SPATA13: variants seen among roughly 807,000 people sequenced by gnomAD.
SPATA13 encodes the protein spermatogenesis associated 13.
SPATA13 carries 50 observed loss-of-function variants against 104.0 expected under a neutral mutation model. The observed-to-expected ratio is 0.48, with a 90% CI of 0.38 to 0.61. The LOEUF (loss-of-function observed/expected upper bound fraction) is 0.61, where lower values mean the gene tolerates loss of function less well. SPATA13 is among the 20% of genes least tolerant of loss of function. The probability of loss-of-function intolerance (pLI) is 0.00; values close to 1 mark genes in which losing one functional copy is unlikely to be tolerated. For missense variants in SPATA13, 1,524 were observed against 1,690.6 expected (o/e 0.90, Z 1.73); for synonymous variants, 606 against 667.5 (o/e 0.91, Z 1.42).
At chr13:24,163,417 T>C (rs911176125) in intron 1 of SPATA13, among the ~76,000 whole-genome samples, 4 of 152,032 alleles carry the variant, frequency 2.6e-5, no homozygotes, top group Non-Finnish European at 4.4e-5. Context: ...AAAAATTAAG[T>C]TAAATTAAAA....
intron 3 of SPATA13, among the ~76,000 whole-genome samples, chr13:24,115,694 C>T (rs137973523): frequency 1.8e-4 from 27 of 152,308 alleles, no homozygotes; most frequent in Admixed American, 1.6e-3. Flanking sequence ...GTCAGAGGGT[C>T]GGGAACACGG....
chr13:24,227,991 A>G (rs954825302), intron 2 of SPATA13, among the ~76,000 whole-genome samples: 8 of 151,194 alleles, frequency 5.3e-5, no homozygotes, highest in East Asian at 3.9e-4. Context: ...TGCAACCTCT[A>G]TCTCCCGGGT....
intron 3 of SPATA13, among the ~76,000 whole-genome samples, chr13:24,024,677 G>GTTAATAT (rs1208164136): frequency 9.6e-6 from 1 of 103,890 alleles, no homozygotes; most frequent in East Asian, 2.3e-4. Context: ...GTTAATATTT[G>GTTAATAT]ATGACATAAA....
intron 3 of SPATA13, among the ~76,000 whole-genome samples, chr13:24,075,634 G>T (rs1370901632): frequency 6.6e-6 from 1 of 152,270 alleles, no homozygotes; most frequent in East Asian, 1.9e-4. Context: ...TGACAACGTT[G>T]CTTATCCCGC....
intron 3 of SPATA13, among the ~76,000 whole-genome samples, chr13:24,128,139 A>T (rs558831547): frequency 6.6e-6 from 1 of 152,292 alleles, no homozygotes; most frequent in South Asian, 2.1e-4. Flanking sequence ...CTGGGGCTTT[A>T]TTCGGAGGAA....
At chr13:24,096,111 T>C (rs947454175) in intron 3 of SPATA13, among the ~76,000 whole-genome samples, 1 of 152,178 alleles carries the variant, frequency 6.6e-6, no homozygotes, top group Non-Finnish European at 1.5e-5. Flanking sequence ...GTTGTGATGC[T>C]TTTTTCAGTG....
chr13:24,089,835 A>C (rs1046923684), intron 3 of SPATA13, among the ~76,000 whole-genome samples: 1 of 152,222 alleles, frequency 6.6e-6, no homozygotes, highest in Non-Finnish European at 1.5e-5. Flanking sequence ...CCAAGATCAG[A>C]GCACCAGCAG....
intron 1 of SPATA13, among the ~76,000 whole-genome samples, chr13:24,217,290 G>T (rs867361820): frequency 9.2e-5 from 14 of 152,132 alleles, no homozygotes; most frequent in African/African-American, 4.8e-5. Flanking sequence ...CACATTCATG[G>T]TTTTCAGCAC....
intron 2 of SPATA13, among the ~76,000 whole-genome samples, chr13:24,241,143 C>G (rs907597232): frequency 6.6e-6 from 1 of 152,200 alleles, no homozygotes; most frequent in Admixed American, 6.5e-5. Context: ...CAGGTTAAAA[C>G]CTAAGATCCT....
intron 3 of SPATA13, among the ~76,000 whole-genome samples, chr13:24,086,566 C>T (rs182127878): frequency 5.1e-4 from 78 of 152,176 alleles, no homozygotes; most frequent in Non-Finnish European, 9.6e-4. Flanking sequence ...GCCTTGGGGA[C>T]TGGCGAGAAG....
chr13:24,164,193 T>C (rs1882627107), intron 1 of SPATA13, among the ~76,000 whole-genome samples: 1 of 152,230 alleles, frequency 6.6e-6, no homozygotes, highest in African/African-American at 2.4e-5. Flanking sequence ...TACAAAGTGC[T>C]TACCTGATTT....
chr13:24,037,938 G>A (rs1373368047), intron 3 of SPATA13, among the ~76,000 whole-genome samples: 2 of 151,660 alleles, frequency 1.3e-5, no homozygotes, highest in Non-Finnish European at 2.9e-5. Context: ...TTGAAATGGA[G>A]TCTCGCTCTG....
intron 1 of SPATA13, among the ~76,000 whole-genome samples, chr13:24,191,655 G>A (rs1034377462): frequency 2.0e-5 from 3 of 151,476 alleles, no homozygotes; most frequent in African/African-American, 2.4e-5. Flanking sequence ...GACTACAGGC[G>A]CCCGCCACCA....
intron 1 of SPATA13, among the ~76,000 whole-genome samples, chr13:24,200,262 G>C (rs1327880031): frequency 6.6e-6 from 1 of 152,172 alleles, no homozygotes; most frequent in African/African-American, 2.4e-5. Flanking sequence ...AGAAGGATTT[G>C]AACATGGGCC....
At chr13:24,246,861 C>CA (rs988444573) in intron 2 of SPATA13, among the ~76,000 whole-genome samples, 47 of 141,890 alleles carry the variant, frequency 3.3e-4, no homozygotes, top group Middle Eastern at 7.1e-3. Flanking sequence ...GACTCCATCT[C>CA]AAAAAAAAAA....
At chr13:24,107,225 T>C (rs1880481864) in intron 3 of SPATA13, among the ~76,000 whole-genome samples, 2 of 124,498 alleles carry the variant, frequency 1.6e-5, no homozygotes, top group Admixed American at 1.9e-4. Context: ...AAGTGCCCTT[T>C]TGAACAAGAG....
At chr13:24,077,556 A>T (rs1879375439) in intron 3 of SPATA13, among the ~76,000 whole-genome samples, 1 of 152,188 alleles carries the variant, frequency 6.6e-6, no homozygotes, top group African/African-American at 2.4e-5. Flanking sequence ...CTGGAAGCCC[A>T]GTCCCCACCA....
chr13:24,051,162 A>C lies in SPATA13; in HGVS notation c.-112+33461A>C, dbSNP rs1197263771. Among the ~76,000 whole-genome samples the C allele has an allele frequency of 6.6e-6, 1 of 152,142 alleles. No individual in the cohort carries two copies. The highest frequency in any genetic ancestry group is 2.4e-5 in the African/African-American group (1 of 41,402). ...AGCACTGCTGGGGCTAGCCTCCTGA[A>C]GTTTTTGGAGACCCTAGTTCTGCTC... On this transcript the variant is annotated intron_variant, in intron 3 of 14. Transcript: ENST00000424834. The surrounding 1 kb of genome is among the most constrained non-coding windows in gnomAD (Gnocchi z 4.2).
intron 3 of SPATA13, among the ~76,000 whole-genome samples, chr13:24,151,868 T>C (rs963673076): frequency 5.9e-5 from 9 of 152,246 alleles, no homozygotes; most frequent in Non-Finnish European, 1.2e-4. Flanking sequence ...TTAACAGTAC[T>C]AAGCAGTATA....
Sources: gnomAD v4.1 joint callset for allele counts (sites outside exome capture counted in the v4.1 genomes callset) on GRCh38, gnomAD v4.1.1 for gene constraint, Gnocchi (gnomAD v3.1) non-coding constraint, MANE v1.5 for transcripts, NCBI Gene and HGNC (gene_info 2026-07-23, HGNC 2026-07-21) for gene names.